Variants in NSD3 observed in about 807,000 individuals in gnomAD.
NSD3 encodes the protein nuclear receptor binding SET domain protein 3.
In NSD3, 24 loss-of-function variants were observed where a neutral mutation model predicts 160.8. The ratio of observed to expected loss-of-function variants is 0.15; its 90% CI spans 0.11 to 0.21. NSD3 has a LOEUF of 0.21. Among genes scored for constraint, NSD3 ranks in the 10% least tolerant of loss-of-function variants. The pLI is 1.00. For missense variants in NSD3, 1,157 were observed against 1,735.9 expected, an observed-to-expected ratio of 0.67 and a Z score of 5.93; for synonymous variants, 520 against 600.0, an observed-to-expected ratio of 0.87 and a Z score of 1.95.
Position 38,319,997 on chromosome 8 carries a change from C to G in NSD3, c.1810-1057G>C, listed in dbSNP as rs1280852915. ...TTTTGGGAACCAGCTGGCAAAATCA[C>G]AACTTCATTTTGGTAATGAATAACT... On this transcript the variant is annotated intron_variant, in intron 8 of 23. Coordinates refer to ENST00000317025, the MANE Select transcript of NSD3 (RefSeq NM_023034.2). The surrounding 1 kb of genome is among the most constrained non-coding windows in gnomAD (Gnocchi z 4.1). 25 of 152,038 alleles carry G rather than the reference C, an allele frequency of 1.6e-4. No individual in the cohort carries two copies. The highest frequency in any genetic ancestry group is 1.6e-3 in the Admixed American group (25 of 15,268). 9.4% of individuals were successfully genotyped at this position (152,038 alleles called of 1,614,324 possible).
chr8:38,322,728 T>C (rs560599046), intron 7 of NSD3, among the ~76,000 whole-genome samples: 1 of 152,188 alleles, frequency 6.6e-6, no homozygotes, highest in Non-Finnish European at 1.5e-5. Flanking sequence ...GTTTGGAAAA[T>C]AACTTTGAAA....
intron 1 of NSD3, among the ~76,000 whole-genome samples, chr8:38,375,958 C>T (rs1811377220): frequency 6.6e-6 from 1 of 151,714 alleles, no homozygotes; most frequent in African/African-American, 2.4e-5. Flanking sequence ...TTTAAAAGAT[C>T]CCAATGAATA....
At chr8:38,279,742 C>G in intron 20 of NSD3, 61 bp from the exon 21 acceptor site, 1 of 1,555,504 alleles carries the variant, frequency 6.4e-7, no homozygotes, top group Non-Finnish European at 8.8e-7. Context: ...AAACATCCAA[C>G]TCAGTCAAGG....
At chr8:38,312,738 T>C (rs1809564197) in intron 12 of NSD3, among the ~76,000 whole-genome samples, 1 of 152,186 alleles carries the variant, frequency 6.6e-6, no homozygotes, top group African/African-American at 2.4e-5. Flanking sequence ...GCCATGATTG[T>C]AAGTTTCCTG....
At chr8:38,297,904 A>G (rs1370659517) in intron 15 of NSD3, among the ~76,000 whole-genome samples, 1 of 152,184 alleles carries the variant, frequency 6.6e-6, no homozygotes, top group Non-Finnish European at 1.5e-5. Context: ...ATTAGTACTG[A>G]CCTAGAAAAG....
intron 22 of NSD3, among the ~76,000 whole-genome samples, chr8:38,277,685 AT>A (rs1808632796): frequency 6.6e-6 from 1 of 152,232 alleles, no homozygotes; most frequent in Non-Finnish European, 1.5e-5. Flanking sequence ...ATAATTCGCC[AT>A]TTTAAAGTGT....
In NSD3 at chr8:38,334,981, AT is replaced by A. The variant is rs1166396294; in HGVS notation, c.910+2323del. Among the ~76,000 whole-genome samples, 780 of 132,886 alleles carry A rather than the reference AT, an allele frequency of 5.9e-3. 1 individual carries two copies. The highest frequency in any genetic ancestry group is 0.016 in the African/African-American group (572 of 35,890). 87.2% of individuals were successfully genotyped at this position (132,886 alleles called of 152,430 possible). On this transcript the variant is annotated intron_variant, in intron 4 of 23. Coordinates refer to ENST00000317025, the MANE Select transcript of NSD3 (RefSeq NM_023034.2). ...AACTGCCTGGGGGTACCAGGCTAGA[AT>A]TTTTTTTTTTTTTTTTTTTTGAGAC... is the stretch of plus-strand genomic sequence containing the variant.
intron 1 of NSD3, among the ~76,000 whole-genome samples, chr8:38,353,012 T>C (rs925769658): frequency 1.3e-5 from 2 of 152,242 alleles, no homozygotes; most frequent in African/African-American, 2.4e-5. Flanking sequence ...TTCTAAGTGC[T>C]TGACATAAGT....
chr8:38,345,815 A>G (rs562547948), intron 2 of NSD3, among the ~76,000 whole-genome samples: 18 of 152,002 alleles, frequency 1.2e-4, no homozygotes, highest in Non-Finnish European at 2.6e-4. Flanking sequence ...AGGCTGAGGC[A>G]GGAGAATTGC....
intron 1 of NSD3, among the ~76,000 whole-genome samples, chr8:38,353,920 A>C (rs762312467): frequency 2.0e-5 from 3 of 152,206 alleles, no homozygotes; most frequent in Non-Finnish European, 2.9e-5. Context: ...GCTCTTTTTC[A>C]CAACATCCTA....
chr8:38,279,867 TC>T, intron 20 of NSD3, 186 bp from the exon 21 acceptor site: 1 of 586,130 alleles, frequency 1.7e-6, no homozygotes, highest in Non-Finnish European at 2.9e-6. Context: ...GACCTTCAAG[TC>T]AAAGTAATTA....
intron 7 of NSD3, among the ~76,000 whole-genome samples, chr8:38,323,870 A>G (rs1355590104): frequency 1.3e-5 from 2 of 152,044 alleles, no homozygotes; most frequent in Non-Finnish European, 2.9e-5. Flanking sequence ...AGGAGAAAGA[A>G]AAACAAGCTC....
rs748484843 is a variant in NSD3, at chr8:38,318,911, C to A, written c.1839G>T (p.Lys613Asn). 6.2e-7 allele frequency: 1 copy of A among 1,611,210 alleles called. No individual in the cohort carries two copies. Among genetic ancestry groups the A allele is most frequent in the South Asian group, 1.1e-5 (1 of 90,514 alleles). ...TTAACTCACCTTTCTGTAATCCAGTCTTCACTGTAGCCTGAGGAACTGTTT... is the reference window on the plus strand; with the variant it reads ...TTAACTCACCTTTCTGTAATCCAGTATTCACTGTAGCCTGAGGAACTGTTT... ...QVETVPQATV[K>N]TGLQKGASEI... Residue 613 changes from lysine to asparagine, a missense_variant, in exon 9 of 24, where the codon AAG becomes AAT. Physicochemically the swap from Lys to Asn is moderately conservative, Grantham distance 94. This residue lies in a region of NSD3 where 102 missense variants were observed against 126.5 expected (regional missense o/e 0.81). Transcript: ENST00000317025. The surrounding 1 kb of genome is among the most constrained non-coding windows in gnomAD (Gnocchi z 5.3).
intron 2 of NSD3, among the ~76,000 whole-genome samples, chr8:38,346,905 T>TA (rs1810551642): frequency 6.6e-6 from 1 of 152,190 alleles, no homozygotes; most frequent in African/African-American, 2.4e-5. Context: ...TTATGTTACA[T>TA]ACTTATTATA....
intron 20 of NSD3, among the ~76,000 whole-genome samples, chr8:38,280,736 T>C (rs1042794363): frequency 2.0e-5 from 3 of 151,936 alleles, no homozygotes; most frequent in Non-Finnish European, 2.9e-5. Context: ...ATTTTTCTTA[T>C]GACAGCGCTC....
rs1403810003 is a variant in NSD3, at chr8:38,366,435, G to C, written c.-45+15364C>G. On this transcript the variant is annotated intron_variant, in intron 1 of 23. Transcript: ENST00000317025. Reference sequence around the variant, plus strand: ...ACTTAATTCTTTTTTTTTTTTTTTTGAGATAGAGTCTCTGTCGTCGCCAGG... The same window carrying C: ...ACTTAATTCTTTTTTTTTTTTTTTTCAGATAGAGTCTCTGTCGTCGCCAGG... 2.2e-3 allele frequency among the ~76,000 whole-genome samples: 164 copies of C among 73,474 alleles called. 2 individuals are homozygous for C. The East Asian group carries it at 0.026, about 12-fold the overall frequency. The allele number at this position is 73,474 out of a possible 152,430, so 48.2% of individuals were successfully genotyped here.
intron 21 of NSD3, 42 bp from the exon 22 acceptor site, chr8:38,278,454 G>C: frequency 6.5e-7 from 1 of 1,537,842 alleles, no homozygotes. Context: ...CGAGTCATGG[G>C]GAAGAGAAAA....
In NSD3 at chr8:38,276,512, G is replaced by C. The variant is rs2130979828; in HGVS notation, c.3868-12C>G. ...GACGCACATGCCGACTGGCAGGAAA[G>C]AAAGGATCATAGTTTCAAACATCAC... On this transcript the variant is annotated splice_polypyrimidine_tract_variant and intron_variant, in intron 22 of 23. Coordinates refer to ENST00000317025, the MANE Select transcript of NSD3 (RefSeq NM_023034.2). 6.2e-7 allele frequency: 1 copy of C among 1,613,980 alleles called. No individual in the cohort carries two copies. Among genetic ancestry groups the C allele is most frequent in the Non-Finnish European group, 8.5e-7 (1 of 1,179,906 alleles).
intron 12 of NSD3, among the ~76,000 whole-genome samples, chr8:38,313,995 G>GCAGAA (rs1554524494): frequency 6.6e-6 from 1 of 151,624 alleles, no homozygotes; most frequent in Non-Finnish European, 1.5e-5. Flanking sequence ...CTAAAACAAA[G>GCAGAA]CAAAACAAAA....
Sources: gnomAD v4.1 joint callset for allele counts (sites outside exome capture counted in the v4.1 genomes callset) on GRCh38, gnomAD v4.1.1 for gene constraint, gnomAD v4.1.1 regional missense constraint, Gnocchi (gnomAD v3.1) non-coding constraint, MANE v1.5 for transcripts, NCBI Gene and HGNC (gene_info 2026-07-23, HGNC 2026-07-21) for gene names.